Variants in L1CAM observed in about 807,000 individuals in gnomAD.
The protein encoded by L1CAM is neural cell adhesion molecule L1.
In L1CAM, 8 loss-of-function variants were observed where a neutral mutation model predicts 93.0. The observed-to-expected ratio is 0.09, with a 90% confidence interval of 0.05 to 0.16. The LOEUF (loss-of-function observed/expected upper bound fraction) is 0.16, where lower values mean the gene tolerates loss of function less well. L1CAM is among the 10% of genes least tolerant of loss of function. L1CAM has a pLI of 1.00. For synonymous variants in L1CAM, 453 were observed against 453.0 expected, an observed-to-expected ratio of 1.00 and a Z score of 0.00; for missense variants, 777 against 1,073.4, an observed-to-expected ratio of 0.72 and a Z score of 3.86.
At position 153,870,132 on chromosome X, in the gene L1CAM, C is replaced by T; in HGVS notation, c.915G>A (p.Glu305=). Residue 305 remains glutamate (E), a synonymous_variant, in exon 9 of 29, where the codon GAG becomes GAA. Transcript: ENST00000370060. Reference sequence around the variant, plus strand: ...CCAGGCAGCGGTACTCGCCATCATCCTCCTCGCCCACTTTCAGCAGCTGCA... The same window carrying T: ...CCAGGCAGCGGTACTCGCCATCATCTTCCTCGCCCACTTTCAGCAGCTGCA... The part of the protein sequence containing the change: ...KTLQLLKVGE[E]DDGEYRCLAE... The T allele has an allele frequency of 8.2e-7, 1 of 1,212,141 alleles. No homozygotes were observed. The highest frequency in any genetic ancestry group is 1.1e-6 in the Non-Finnish European group (1 of 895,517).
chrX:153,868,491 T>C (rs1557091854), intron 13 of L1CAM, 33 bp from the exon 14 acceptor site: 1 of 1,210,578 alleles, frequency 8.3e-7, no homozygotes, highest in African/African-American at 1.7e-5. Context: ...GAAGTCACTC[T>C]GTTGTCCTCC....
rs2064722057 is a variant in L1CAM at position 153,867,234 on chromosome X, C to A, written c.2138-110G>T. 3.1e-6 allele frequency: 3 copies of A among 970,296 alleles called. No homozygotes were observed. In the Admixed American group the frequency reaches 6.6e-5, roughly 21 times the overall value. The allele number at this position is 970,296 out of a possible 1,213,427, so 80.0% of individuals were successfully genotyped here. ...TTCTGGCACCAAGGGAGTCCAGCCC[C>A]CTCGCGCTCCCCCTGGAAATTTGGA... On this transcript the variant is annotated intron_variant, in intron 17 of 28. Coordinates refer to ENST00000370060, the MANE Select transcript of L1CAM (RefSeq NM_001278116.2).
chrX:153,879,695 G>C (rs782150036), intron 1 of L1CAM, among the ~76,000 whole-genome samples: 1 of 110,352 alleles, frequency 9.1e-6, no homozygotes, highest in African/African-American at 3.3e-5. Context: ...AGGGACGGCC[G>C]TGAGACAGGA....
Position 153,871,339 on chromosome X carries a change from C to A in L1CAM, c.401-160G>T, listed in dbSNP as rs781921154. Among the ~76,000 whole-genome samples, 12 of 111,196 alleles carry A rather than the reference C, an allele frequency of 1.1e-4. No individual in the cohort carries two copies. The East Asian group carries it at 3.4e-3, about 32-fold the overall frequency. On this transcript the variant is annotated intron_variant, in intron 5 of 28. Coordinates refer to ENST00000370060, the MANE Select transcript of L1CAM (RefSeq NM_001278116.2). ...CTTCACAGAAAAGGAGGCAGACACT[C>A]TGGATACCTTCTGGACTCATAGCAG...
chrX:153,874,657 C>G (rs1246800793), intron 2 of L1CAM, among the ~76,000 whole-genome samples: 1 of 112,357 alleles, frequency 8.9e-6, no homozygotes, highest in Non-Finnish European at 1.9e-5. Context: ...GTCTTCCCAA[C>G]CCCTATCCGC....
chrX:153,867,293 C>T, intron 17 of L1CAM, 63 bp downstream of exon 17: 1 of 1,078,978 alleles, frequency 9.3e-7, no homozygotes, highest in Non-Finnish European at 1.3e-6. Context: ...CCTCTCTAAG[C>T]CCTCCCTTCA....
intron 2 of L1CAM, 127 bp from the exon 3 acceptor site, chrX:153,873,369 G>A (rs916156034): frequency 9.8e-6 from 7 of 714,515 alleles, no homozygotes; most frequent in Admixed American, 2.3e-5. Context: ...GGAATGGCAG[G>A]AGAGGAGGCC....
chrX:153,867,173 G>A lies in L1CAM; in HGVS notation c.2138-49C>T, dbSNP rs200340498. 84 of 1,113,917 alleles carry A rather than the reference G, an allele frequency of 7.5e-5. No individual in the cohort carries two copies. In the Middle Eastern group the frequency reaches 1.3e-3, roughly 17 times the overall value. 91.8% of individuals were successfully genotyped at this position (1,113,917 alleles called of 1,213,427 possible). A position where few individuals can be genotyped will look rare whatever the true frequency, so the allele number is the denominator to read the frequency against. ...TCAATGCTGCAGCCTCTTTTGGAGA[G>A]CCACGAGGACCGAGGGCCAAGGAAC... On this transcript the variant is annotated intron_variant, in intron 17 of 28. Coordinates refer to ENST00000370060, the MANE Select transcript of L1CAM (RefSeq NM_001278116.2).
intron 16 of L1CAM, 107 bp from the exon 17 acceptor site, chrX:153,867,660 C>T (rs1335099022): frequency 1.0e-6 from 1 of 955,165 alleles, no homozygotes; most frequent in African/African-American, 1.9e-5. Context: ...GGCCAACTGG[C>T]ATCTCCAGAT....
chrX:153,869,809 C>T lies in L1CAM; in HGVS notation c.1117G>A (p.Val373Met), dbSNP rs1569544810. 8.3e-7 allele frequency: 1 copy of T among 1,211,291 alleles called. No individual in the cohort carries two copies. Among genetic ancestry groups the T allele is most frequent in the Non-Finnish European group, 1.1e-6 (1 of 895,297 alleles). Reference sequence around the variant, plus strand: ...TGCCTGAGGCCCTGCTCACCCTCCACAGGGATCCCGTTGATTCTCCAGGTG... The same window carrying T: ...TGCCTGAGGCCCTGCTCACCCTCCATAGGGATCCCGTTGATTCTCCAGGTG... The part of the protein sequence containing the change: ...EVTWRINGIP[V>M]EELAKDQKYR... Residue 373 changes from valine to methionine, a missense_variant, in exon 10 of 29, where the codon GTG (valine) becomes ATG (methionine). Transcript: ENST00000370060.
At chrX:153,884,521 A>G in intron 1 of L1CAM, 1 of 215,677 alleles carries the variant, frequency 4.6e-6, no homozygotes, top group Non-Finnish European at 8.7e-6. Context: ...AATAAGATGT[A>G]TTACTTTCGG....
rs782519112 is a variant in L1CAM, at chrX:153,863,749, G to C, written c.3457+134C>G. On this transcript the variant is annotated intron_variant, in intron 26 of 28. Transcript: ENST00000370060. ...CCCGGCCTGGGAGGATGATCCCCCT[G>C]CCTGCCCCCACCATGCGCCTGTCAT... 1.9e-5 allele frequency: 19 copies of C among 977,717 alleles called. No individual in the cohort carries two copies. The South Asian group carries it at 2.5e-4, about 13-fold the overall frequency. The allele number at this position is 977,717 out of a possible 1,213,427, so 80.6% of individuals were successfully genotyped here.
intron 16 of L1CAM, 54 bp downstream of exon 16, chrX:153,867,746 G>A (rs782070311): frequency 2.8e-5 from 31 of 1,101,258 alleles, no homozygotes; most frequent in Non-Finnish European, 3.9e-5. Flanking sequence ...ACCCCAGGAG[G>A]GGCCAGGGCT....
At chrX:153,883,922 G>C (rs188814681) in intron 1 of L1CAM, 2 of 340,591 alleles carry the variant, frequency 5.9e-6, no homozygotes. Flanking sequence ...CTGTCTCCTC[G>C]ACCCTCACCT....
rs200222834 is a variant in L1CAM at position 153,866,638 on chromosome X, C to G, written c.2431+11G>C. Reference sequence around the variant, plus strand: ...CTCAACCGTGGGCGAGGGGCCCTGCCGGATACTCACAGTCCTCTCCAGAGT... The same window carrying G: ...CTCAACCGTGGGCGAGGGGCCCTGCGGGATACTCACAGTCCTCTCCAGAGT... On this transcript the variant is annotated intron_variant, in intron 19 of 28. Transcript: ENST00000370060. 4 of 1,192,046 alleles carry G rather than the reference C, an allele frequency of 3.4e-6. No individual in the cohort carries two copies. The highest frequency in any genetic ancestry group is 2.2e-5 in the Admixed American group (1 of 45,639).
Position 153,875,798 on chromosome X carries a change from G to A in L1CAM, c.39C>T (p.Leu13=). ...TCTGGATAAGCAGGCAGGGGCTGCA[G>A]AGGAGGAGAGGCCACACGTACCGCA... The part of the protein sequence containing the change: ...VALRYVWPLL[L]CSPCLLIQIP... The change falls in exon 2 of 29, where the codon CTC becomes CTT. Residue 13 remains leucine (L), a synonymous_variant. Transcript: ENST00000370060. 1.7e-6 allele frequency: 2 copies of A among 1,210,768 alleles called. No individual in the cohort carries two copies. The highest frequency in any genetic ancestry group is 2.2e-6 in the Non-Finnish European group (2 of 895,233).
intron 1 of L1CAM, among the ~76,000 whole-genome samples, chrX:153,879,283 A>G (rs1160744155): frequency 9.0e-6 from 1 of 111,258 alleles, no homozygotes; most frequent in Non-Finnish European, 1.9e-5. Context: ...GGAGATGGTT[A>G]GGGGGTGGGG....
chrX:153,880,477 G>A (rs2064838611), intron 1 of L1CAM: 1 of 237,108 alleles, frequency 4.2e-6, no homozygotes, highest in Non-Finnish European at 8.2e-6. Context: ...GGGCCAGAGT[G>A]GGGGTGGGGC....
chrX:153,872,630 G>T lies in L1CAM; in HGVS notation c.159C>A (p.Ile53=). 8.3e-7 allele frequency: 1 copy of T among 1,210,743 alleles called. No individual in the cohort carries two copies. The highest frequency in any genetic ancestry group is 3.0e-5 in the East Asian group (1 of 33,805). The change falls in exon 4 of 29, where the codon ATC becomes ATA. Residue 53 remains isoleucine, a synonymous_variant. Coordinates refer to ENST00000370060, the MANE Select transcript of L1CAM (RefSeq NM_001278116.2). ...RRLVVFPTDD[I]SLKCEASGKP... ...TGCCACTGGCCTCACACTTGAGGCT[G>T]ATGTCATCTGTGGGGAAGACAACCA...
Sources: allele counts gnomAD v4.1 joint callset (sites outside exome capture counted in the v4.1 genomes callset), GRCh38; gene constraint gnomAD v4.1.1; transcripts MANE v1.5; gene names NCBI Gene and HGNC (gene_info 2026-07-23, HGNC 2026-07-21).